The following HCN1 variants were observed in gnomAD, a reference collection of about 807,000 sequenced individuals.
HCN1 encodes the protein hyperpolarization activated cyclic nucleotide gated potassium channel 1.
HCN1 carries 13 observed loss-of-function variants against 78.9 expected under a neutral mutation model. The ratio of observed to expected loss-of-function variants is 0.16; its 90% CI spans 0.11 to 0.26. HCN1 has a LOEUF of 0.26. Among genes scored for constraint, HCN1 ranks in the 10% least tolerant of loss-of-function variants. The pLI is 1.00. For missense variants in HCN1, 810 were observed against 1,154.3 expected, an observed-to-expected ratio of 0.70 and a Z score of 4.32; for synonymous variants, 552 against 455.5, an observed-to-expected ratio of 1.21 and a Z score of -2.70.
intron 6 of HCN1, among the ~76,000 whole-genome samples, chr5:45,294,225 C>A (rs573463692): frequency 6.6e-6 from 1 of 151,894 alleles, no homozygotes; most frequent in East Asian, 1.9e-4. Flanking sequence ...ACCATGATTG[C>A]CTGTGGTTTT....
chr5:45,295,030 G>C (rs1274317617), intron 6 of HCN1, among the ~76,000 whole-genome samples: 1 of 152,032 alleles, frequency 6.6e-6, no homozygotes, highest in African/African-American at 2.4e-5. Flanking sequence ...GAGGAGTTAA[G>C]CAGGAGTCCA....
At chr5:45,289,243 C>G (rs1745326739) in intron 6 of HCN1, among the ~76,000 whole-genome samples, 2 of 151,948 alleles carry the variant, frequency 1.3e-5, no homozygotes, top group African/African-American at 2.4e-5. Flanking sequence ...CAATGTAACA[C>G]TTATTATTCA....
At chr5:45,385,760 T>C (rs1381903344) in intron 4 of HCN1, among the ~76,000 whole-genome samples, 2 of 152,192 alleles carry the variant, frequency 1.3e-5, no homozygotes, top group East Asian at 1.9e-4. Context: ...TTTCGGTGAA[T>C]TGGCAAATAA....
At chr5:45,314,167 G>A (rs11746890) in intron 5 of HCN1, among the ~76,000 whole-genome samples, 168 of 152,202 alleles carry the variant, frequency 1.1e-3, no homozygotes, top group Admixed American at 2.0e-3. Flanking sequence ...CGAATCTCTC[G>A]GCAGAAACTC....
intron 2 of HCN1, among the ~76,000 whole-genome samples, chr5:45,486,411 T>G (rs1255398630): frequency 6.6e-6 from 1 of 152,168 alleles, no homozygotes; most frequent in Non-Finnish European, 1.5e-5. Context: ...AACCTTGTTT[T>G]TTACCCAACA....
chr5:45,651,216 AAAAG>A (rs998162873), intron 1 of HCN1, among the ~76,000 whole-genome samples: 1 of 151,992 alleles, frequency 6.6e-6, no homozygotes, highest in African/African-American at 2.4e-5. Context: ...ATTCACTTCT[AAAAG>A]AAAGAAATAG....
chr5:45,512,685 A>T (rs1742438706), intron 2 of HCN1, among the ~76,000 whole-genome samples: 2 of 152,086 alleles, frequency 1.3e-5, no homozygotes, highest in Admixed American at 6.6e-5. Context: ...ACTGAATTCC[A>T]CAGTAGCCAC....
chr5:45,625,077 G>A (rs1390578950), intron 2 of HCN1, among the ~76,000 whole-genome samples: 5 of 152,110 alleles, frequency 3.3e-5, no homozygotes, highest in East Asian at 1.9e-4. Context: ...CTGGCTGGGC[G>A]TAGTGGCTCA....
At position 45,570,396 on chromosome 5, in the gene HCN1, A is replaced by T. The variant is rs376853581; in HGVS notation, c.849+74789T>A. ...TTTTCACCTTATCATCTCCATGTTT[A>T]TTAGGCAGGCCAATTGATTATTAAC... is the stretch of plus-strand genomic sequence containing the variant. On this transcript the variant is annotated intron_variant, in intron 2 of 7. Transcript: ENST00000303230. Among the ~76,000 whole-genome samples, 62 of 152,154 alleles carry T rather than the reference A, an allele frequency of 4.1e-4. 1 individual carries two copies. The East Asian group carries it at 7.6e-3, about 19-fold the overall frequency.
At chr5:45,357,586 A>G (rs1747027384) in intron 4 of HCN1, among the ~76,000 whole-genome samples, 1 of 152,002 alleles carries the variant, frequency 6.6e-6, no homozygotes, top group African/African-American at 2.4e-5. Flanking sequence ...TTTGAAAATG[A>G]TTTTTAGGCC....
chr5:45,534,700 ATCAATT>A (rs1156265762), intron 2 of HCN1, among the ~76,000 whole-genome samples: 2 of 152,014 alleles, frequency 1.3e-5, no homozygotes, highest in Non-Finnish European at 2.9e-5. Flanking sequence ...CTCATCTTGT[ATCAATT>A]TGTTAAGCGA....
At chr5:45,405,257 G>A (rs1739898715) in intron 3 of HCN1, among the ~76,000 whole-genome samples, 1 of 152,134 alleles carries the variant, frequency 6.6e-6, no homozygotes, top group Non-Finnish European at 1.5e-5. Context: ...TTCATTTGCA[G>A]TCATAAGAAG....
intron 3 of HCN1, among the ~76,000 whole-genome samples, chr5:45,402,527 G>A (rs566326058): frequency 6.6e-6 from 1 of 152,112 alleles, no homozygotes; most frequent in Non-Finnish European, 1.5e-5. Flanking sequence ...CTGTGGTGAG[G>A]CTGAAAAATC....
intron 6 of HCN1, among the ~76,000 whole-genome samples, chr5:45,287,885 TGGCCC>T (rs1745299939): frequency 2.6e-5 from 4 of 152,100 alleles, no homozygotes; most frequent in Admixed American, 2.0e-4. Context: ...TATACTACAC[TGGCCC>T]TTTCGCTTAT....
intron 5 of HCN1, among the ~76,000 whole-genome samples, chr5:45,320,101 C>A (rs1204101729): frequency 6.6e-6 from 1 of 151,818 alleles, no homozygotes; most frequent in Non-Finnish European, 1.5e-5. Context: ...TGCTAAATTT[C>A]TACACTCCAA....
At chr5:45,336,505 C>A (rs1396405261) in intron 5 of HCN1, among the ~76,000 whole-genome samples, 2 of 151,988 alleles carry the variant, frequency 1.3e-5, no homozygotes, top group Non-Finnish European at 2.9e-5. Context: ...ATGAACAACA[C>A]ACAACTGTTA....
intron 2 of HCN1, among the ~76,000 whole-genome samples, chr5:45,639,776 C>A (rs1745419354): frequency 6.6e-6 from 1 of 152,108 alleles, no homozygotes; most frequent in African/African-American, 2.4e-5. Flanking sequence ...AAGTGATAAA[C>A]CTCTCTTCTA....
chr5:45,436,779 CAT>C (rs1174270790), intron 3 of HCN1, among the ~76,000 whole-genome samples: 8 of 152,178 alleles, frequency 5.3e-5, no homozygotes, highest in African/African-American at 1.7e-4. Context: ...CTTCTATTCA[CAT>C]AGTCAGTTAT....
intron 3 of HCN1, among the ~76,000 whole-genome samples, chr5:45,414,008 G>T (rs920680695): frequency 6.6e-6 from 1 of 151,924 alleles, no homozygotes; most frequent in Non-Finnish European, 1.5e-5. Context: ...AGAAAAAACA[G>T]TAAATACCTG....
Sources: allele counts gnomAD v4.1 joint callset (sites outside exome capture counted in the v4.1 genomes callset), GRCh38; gene constraint gnomAD v4.1.1; transcripts MANE v1.5; gene names NCBI Gene and HGNC (gene_info 2026-07-23, HGNC 2026-07-21).